Variants in CUBN observed in about 807,000 individuals in gnomAD.
CUBN encodes the protein cubilin.
CUBN carries 282 observed loss-of-function variants against 405.3 expected under a neutral mutation model. That is an observed-to-expected ratio of 0.70 (90% CI 0.63 to 0.77). CUBN has a LOEUF of 0.77. Ranked by LOEUF, CUBN falls within the 30% of genes least tolerant of loss-of-function variation. The pLI, the probability that CUBN is intolerant of heterozygous loss-of-function variation, is 0.00. For missense variants in CUBN, 4,514 were observed against 4,475.2 expected, an observed-to-expected ratio of 1.01 and a Z score of -0.25; for synonymous variants, 1,684 against 1,617.0, an observed-to-expected ratio of 1.04 and a Z score of -0.99.
chr10:16,925,102 T>C, intron 43 of CUBN, 139 bp downstream of exon 43: 1 of 661,556 alleles, frequency 1.5e-6, no homozygotes, highest in South Asian at 1.8e-5. Context: ...AGATATTGAA[T>C]GTATCAAATA....
intron 17 of CUBN, among the ~76,000 whole-genome samples, chr10:17,083,059 A>T (rs1002747753): frequency 1.3e-5 from 2 of 152,230 alleles, no homozygotes; most frequent in African/African-American, 2.4e-5. Flanking sequence ...AGTTAAAAAA[A>T]AAAGGGTTAA....
chr10:16,902,397 G>C (rs894137223), intron 51 of CUBN, among the ~76,000 whole-genome samples: 1 of 147,508 alleles, frequency 6.8e-6, no homozygotes, highest in Non-Finnish European at 1.5e-5. Context: ...AAATTAAATA[G>C]AAGAAAAGTA....
In CUBN at chr10:17,110,822, CA is replaced by C. The variant is rs367763322; in HGVS notation, c.1015+96del. The C allele has an allele frequency of 2.4e-3, 3,805 of 1,580,942 alleles. 5 individuals are homozygous for C. The highest frequency in any genetic ancestry group is 3.0e-3 in the Non-Finnish European group (3,448 of 1,152,576). ...ACAGGCATGAGCAACTGCACTCAGC[CA>C]GAAATCATATTTTAAATGGAGCACT... is the stretch of plus-strand genomic sequence containing the variant. On this transcript the variant is annotated intron_variant, in intron 9 of 66. Coordinates refer to ENST00000377833, the MANE Select transcript of CUBN (RefSeq NM_001081.4).
intron 5 of CUBN, 179 bp downstream of exon 5, chr10:17,123,409 G>T (rs1180354381): frequency 6.1e-6 from 4 of 650,998 alleles, no homozygotes; most frequent in Admixed American, 2.4e-5. Context: ...GTATTTGGTG[G>T]GTTATACAAT....
chr10:17,070,379 T>A (rs576394043), intron 19 of CUBN, among the ~76,000 whole-genome samples: 25 of 152,298 alleles, frequency 1.6e-4, no homozygotes, highest in African/African-American at 6.0e-4. Flanking sequence ...AATTTTACGA[T>A]CAGCTTATGT....
chr10:16,982,292 G>A (rs963598737), intron 31 of CUBN, among the ~76,000 whole-genome samples, 192 bp downstream of exon 31: 28 of 152,260 alleles, frequency 1.8e-4, no homozygotes, highest in Admixed American at 1.6e-3. Flanking sequence ...AAAAAACCTA[G>A]AGATTATCTA....
intron 58 of CUBN, among the ~76,000 whole-genome samples, chr10:16,874,122 C>A (rs1840435077): frequency 6.6e-6 from 1 of 152,190 alleles, no homozygotes; most frequent in Non-Finnish European, 1.5e-5. Flanking sequence ...TGCTCCTTCA[C>A]AATTGTTGGG....
At chr10:16,942,379 T>A (rs1842675212) in intron 36 of CUBN, among the ~76,000 whole-genome samples, 1 of 151,870 alleles carries the variant, frequency 6.6e-6, no homozygotes, top group South Asian at 2.1e-4. Context: ...CTCCTGCAAC[T>A]CGAAAATTAA....
At position 16,990,439 on chromosome 10, in the gene CUBN, C is replaced by T. The variant is rs769413816; in HGVS notation, c.4245G>A (p.Lys1415=). 6.2e-7 allele frequency: 1 copy of T among 1,614,164 alleles called. No homozygotes were observed. The highest frequency in any genetic ancestry group is 8.5e-7 in the Non-Finnish European group (1 of 1,180,022). The part of the protein sequence containing the change: ...PGFPNRYPPN[K]ECIWYIRTDP... Reference sequence around the variant, plus strand: ...CCGTCCTAATGTACCAGATACACTCCTTGTTTGGTGGATACCTGTTGGGGA... The same window carrying T: ...CCGTCCTAATGTACCAGATACACTCTTTGTTTGGTGGATACCTGTTGGGGA... Residue 1415 remains lysine, a synonymous_variant, in exon 29 of 67, where the codon AAG becomes AAA. Transcript: ENST00000377833.
intron 22 of CUBN, among the ~76,000 whole-genome samples, chr10:17,051,955 C>G (rs563736699): frequency 6.6e-6 from 1 of 151,940 alleles, no homozygotes; most frequent in Admixed American, 6.6e-5. Context: ...TCAGTCAATA[C>G]TAAACAGGAG....
At chr10:16,926,891 A>C (rs1323231841) in intron 41 of CUBN, among the ~76,000 whole-genome samples, 1 of 151,656 alleles carries the variant, frequency 6.6e-6, no homozygotes, top group African/African-American at 2.4e-5. Context: ...GATGAATTGC[A>C]TACTGGTGAA....
chr10:16,939,206 GA>G, intron 37 of CUBN, 59 bp from the exon 38 acceptor site: 5 of 1,380,758 alleles, frequency 3.6e-6, no homozygotes, highest in Non-Finnish European at 5.2e-6. Flanking sequence ...TTAATCAAAT[GA>G]AAAAAACAAA....
chr10:16,925,091 G>C, intron 43 of CUBN, 150 bp downstream of exon 43: 1 of 638,660 alleles, frequency 1.6e-6, no homozygotes, highest in South Asian at 1.9e-5. Context: ...TAGTCACGAT[G>C]AGATATTGAA....
chr10:16,956,959 T>A (rs1196695938), intron 31 of CUBN, among the ~76,000 whole-genome samples: 3 of 152,212 alleles, frequency 2.0e-5, no homozygotes, highest in Non-Finnish European at 4.4e-5. Flanking sequence ...ATACATTGTG[T>A]AATTATCAAA....
At chr10:16,999,923 G>C (rs1429640490) in intron 28 of CUBN, among the ~76,000 whole-genome samples, 1 of 152,090 alleles carries the variant, frequency 6.6e-6, no homozygotes, top group East Asian at 1.9e-4. Context: ...ACTCCACCCG[G>C]AGAAATGGAC....
intron 52 of CUBN, 46 bp from the exon 53 acceptor site, chr10:16,900,896 T>C (rs2131421052): frequency 7.7e-7 from 1 of 1,303,126 alleles, no homozygotes; most frequent in Non-Finnish European, 1.1e-6. Flanking sequence ...TTTTATCAAC[T>C]GTTACGAAGA....
intron 63 of CUBN, 83 bp downstream of exon 63, chr10:16,836,152 T>A (rs1839161063): frequency 7.4e-7 from 1 of 1,350,430 alleles, no homozygotes; most frequent in South Asian, 1.2e-5. Flanking sequence ...CAGGAGTCAA[T>A]TCTAGAAATA....
In CUBN at chr10:16,918,749, T is replaced by C; in HGVS notation, c.6873A>G (p.Pro2291=). Reference sequence around the variant, plus strand: ...ATGTCCCACAAAATTTGGAAAGTATTGGTGCATCCGAATCCACTCCATCCC... The same window carrying C: ...ATGTCCCACAAAATTTGGAAAGTATCGGTGCATCCGAATCCACTCCATCCC... ...ELRDGVDSDA[P]ILSKFCGTSL... The change falls in exon 45 of 67, where the codon CCA becomes CCG. Residue 2291 remains proline (P), a synonymous_variant. Transcript: ENST00000377833. 6.2e-7 allele frequency: 1 copy of C among 1,613,938 alleles called. No individual in the cohort carries two copies. Among genetic ancestry groups the C allele is most frequent in the South Asian group, 1.1e-5 (1 of 91,072 alleles).
intron 17 of CUBN, among the ~76,000 whole-genome samples, chr10:17,081,965 G>T (rs1835980838): frequency 6.6e-6 from 1 of 151,254 alleles, no homozygotes; most frequent in Non-Finnish European, 1.5e-5. Context: ...GAATAATACA[G>T]TTTTTTTTTC....
Sources: gnomAD v4.1 joint callset for allele counts (sites outside exome capture counted in the v4.1 genomes callset) on GRCh38, gnomAD v4.1.1 for gene constraint, MANE v1.5 for transcripts, NCBI Gene and HGNC (gene_info 2026-07-23, HGNC 2026-07-21) for gene names.